DLC1: variants seen among roughly 807,000 people sequenced by gnomAD.
The protein encoded by DLC1 is DLC1 Rho GTPase activating protein, also known as rho GTPase-activating protein 7.
DLC1 carries 54 observed loss-of-function variants against 140.3 expected under a neutral mutation model. The ratio of observed to expected loss-of-function variants is 0.38; its 90% CI spans 0.31 to 0.48. The LOEUF (loss-of-function observed/expected upper bound fraction) is 0.48, where lower values mean the gene tolerates loss of function less well. Among genes scored for constraint, DLC1 ranks in the 20% least tolerant of loss-of-function variants. DLC1 has a pLI of 0.96. For missense variants in DLC1, 2,536 were observed against 1,907.0 expected (o/e 1.33, Z -6.14); for synonymous variants, 986 against 728.1 (o/e 1.35, Z -5.70).
intron 1 of DLC1, among the ~76,000 whole-genome samples, chr8:13,601,812 A>G (rs976331769): frequency 6.6e-6 from 1 of 151,780 alleles, no homozygotes; most frequent in Non-Finnish European, 1.5e-5. Flanking sequence ...AACAACAACA[A>G]CAGCAAAACA....
At chr8:13,216,794 G>A (rs1267187889) in intron 5 of DLC1, among the ~76,000 whole-genome samples, 1 of 152,084 alleles carries the variant, frequency 6.6e-6, no homozygotes, top group Admixed American at 6.6e-5. Context: ...GACACTAGTA[G>A]TACCCCCAGC....
chr8:13,535,723 A>G (rs1803255809), intron 1 of DLC1, among the ~76,000 whole-genome samples: 1 of 151,186 alleles, frequency 6.6e-6, no homozygotes, highest in Non-Finnish European at 1.5e-5. Flanking sequence ...TTTTATTCAC[A>G]GTGATTCAAA....
intron 1 of DLC1, among the ~76,000 whole-genome samples, chr8:13,571,804 A>G (rs1804661984): frequency 6.6e-6 from 1 of 152,206 alleles, no homozygotes; most frequent in Admixed American, 6.5e-5. Context: ...CAGCAGTTGC[A>G]ACGTTTTACA....
intron 2 of DLC1, among the ~76,000 whole-genome samples, chr8:13,478,612 C>G (rs1274200769): frequency 6.6e-6 from 1 of 152,168 alleles, no homozygotes; most frequent in African/African-American, 2.4e-5. Flanking sequence ...CCTCCGAGCC[C>G]TGGATCCCAT....
At chr8:13,598,847 T>G (rs755934992) in intron 1 of DLC1, among the ~76,000 whole-genome samples, 9 of 151,898 alleles carry the variant, frequency 5.9e-5, no homozygotes, top group African/African-American at 1.2e-4. Context: ...TTCTGAAAAA[T>G]AATTTAAAAC....
chr8:13,518,822 C>G (rs975124828), upstream of DLC1, among the ~76,000 whole-genome samples: 1 of 151,894 alleles, frequency 6.6e-6, no homozygotes, highest in Non-Finnish European at 1.5e-5. Context: ...AACACTTTGT[C>G]CATGAAAATT....
intron 1 of DLC1, among the ~76,000 whole-genome samples, chr8:13,592,152 G>A (rs950654810): frequency 6.6e-6 from 1 of 152,044 alleles, no homozygotes; most frequent in Non-Finnish European, 1.5e-5. Context: ...GCAAGTAGAA[G>A]AAGAGCAGCT....
chr8:13,465,447 A>C (rs1463080770), intron 2 of DLC1, among the ~76,000 whole-genome samples: 1 of 152,198 alleles, frequency 6.6e-6, no homozygotes, highest in African/African-American at 2.4e-5. Flanking sequence ...AGAGAGAGTG[A>C]AATGGTACGT....
At chr8:13,149,582 C>A (rs28666880) in intron 5 of DLC1, among the ~76,000 whole-genome samples, 22,593 of 152,140 alleles carry the variant, frequency 0.15, 1,805 homozygotes, top group Non-Finnish European at 0.17. Flanking sequence ...GGCTCTATCC[C>A]GACCCATCTG....
chr8:13,498,988 T>G (rs1210696927), intron 2 of DLC1, 61 bp downstream of exon 2: 1 of 1,505,630 alleles, frequency 6.6e-7, no homozygotes, highest in Admixed American at 2.2e-5. Flanking sequence ...AAATGATAAC[T>G]GATAAATCCA....
At chr8:13,315,095 A>G (rs1175977245) in intron 4 of DLC1, among the ~76,000 whole-genome samples, 1 of 152,176 alleles carries the variant, frequency 6.6e-6, no homozygotes, top group Non-Finnish European at 1.5e-5. Flanking sequence ...ACTAAGGAAG[A>G]AGTTTATGAC....
chr8:13,530,896 T>A (rs1803074131), intron 1 of DLC1, among the ~76,000 whole-genome samples: 1 of 152,208 alleles, frequency 6.6e-6, no homozygotes, highest in Non-Finnish European at 1.5e-5. Flanking sequence ...CCATTTGCTA[T>A]GAGCTAAATT....
chr8:13,307,081 CAAAAAAAAAAAAAA>C (rs34372620), intron 4 of DLC1, among the ~76,000 whole-genome samples: 4 of 70,148 alleles, frequency 5.7e-5, no homozygotes, highest in South Asian at 1.5e-3. Context: ...GAGACTCTGT[CAAAAAAAAAAAAAA>C]AAAAAAAAAA....
At chr8:13,161,724 C>T (rs1420412162) in intron 5 of DLC1, among the ~76,000 whole-genome samples, 2 of 152,106 alleles carry the variant, frequency 1.3e-5, no homozygotes, top group African/African-American at 2.4e-5. Context: ...GTCTCACATC[C>T]CTTGGAGAGA....
At chr8:13,088,734 A>T in intron 15 of DLC1, 30 bp from the exon 16 acceptor site, 1 of 1,610,096 alleles carries the variant, frequency 6.2e-7, no homozygotes, top group Non-Finnish European at 8.5e-7. Context: ...TTCAGTGCCA[A>T]GGCAATCCAT....
intron 5 of DLC1, among the ~76,000 whole-genome samples, chr8:13,286,300 T>C (rs567048685): frequency 5.9e-5 from 9 of 151,974 alleles, no homozygotes; most frequent in Non-Finnish European, 1.3e-4. Flanking sequence ...GAGAAAAAAA[T>C]TGCTGTTTAA....
chr8:13,143,782 G>C (rs1462540119), intron 5 of DLC1, among the ~76,000 whole-genome samples: 1 of 149,766 alleles, frequency 6.7e-6, no homozygotes, highest in Non-Finnish European at 1.5e-5. Flanking sequence ...GTTGCCCTGA[G>C]GCCCTGATGT....
At chr8:13,086,818 G>A (rs1817604778) in intron 16 of DLC1, among the ~76,000 whole-genome samples, 1 of 152,102 alleles carries the variant, frequency 6.6e-6, no homozygotes, top group East Asian at 1.9e-4. Context: ...GAGCTCAGGA[G>A]TTCAAGACCA....
Position 13,092,805 on chromosome 8 carries a change from G to C in DLC1, c.3547C>G (p.Leu1183Val). Residue 1183 changes from leucine to valine, a missense_variant, in exon 13 of 18, where the codon CTG becomes GTG. Leu to Val is a conservative substitution (Grantham distance 32). Transcript: ENST00000276297. ...ATGATGGCAGCCTTGATGGCCTGCAGGCGCTGGTCCTTGGGCACATCTGCA... is the reference window on the plus strand; with the variant it reads ...ATGATGGCAGCCTTGATGGCCTGCACGCGCTGGTCCTTGGGCACATCTGCA... ...IYQYVPKDQR[L>V]QAIKAAIMLL... 4.3e-6 allele frequency: 7 copies of C among 1,613,868 alleles called. No homozygotes were observed. The highest frequency in any genetic ancestry group is 5.9e-6 in the Non-Finnish European group (7 of 1,179,870).
Sources: gnomAD v4.1 joint callset for allele counts (sites outside exome capture counted in the v4.1 genomes callset) on GRCh38, gnomAD v4.1.1 for gene constraint, MANE v1.5 for transcripts, NCBI Gene and HGNC (gene_info 2026-07-23, HGNC 2026-07-21) for gene names.